Variants in GABRB1 observed in about 807,000 individuals in gnomAD.
GABRB1 encodes the protein gamma-aminobutyric acid receptor subunit beta-1.
Under a neutral mutation model 51.6 loss-of-function variants are expected in GABRB1, and 17 were observed. The observed-to-expected ratio is 0.33, with a 90% CI of 0.23 to 0.49. The LOEUF (loss-of-function observed/expected upper bound fraction) is 0.49, where lower values mean the gene tolerates loss of function less well. GABRB1 is among the 20% of genes least tolerant of loss of function. The pLI is 0.99. For synonymous variants in GABRB1, 247 were observed against 218.9 expected (o/e 1.13, Z -1.14); for missense variants, 410 against 600.6 (o/e 0.68, Z 3.32).
chr4:47,289,094 T>A (rs1723629444), intron 4 of GABRB1, among the ~76,000 whole-genome samples: 1 of 152,108 alleles, frequency 6.6e-6, no homozygotes, highest in Non-Finnish European at 1.5e-5. Flanking sequence ...GACATGCGTA[T>A]CAGCAACAGA....
intron 1 of GABRB1, chr4:46,993,962 T>C (rs1723884176): frequency 6.5e-6 from 1 of 154,112 alleles, no homozygotes; most frequent in Non-Finnish European, 1.4e-5. Context: ...AGAGTCAAGG[T>C]TGGAGGTGGA....
intron 4 of GABRB1, among the ~76,000 whole-genome samples, chr4:47,254,621 C>T (rs1722129556): frequency 6.6e-6 from 1 of 151,832 alleles, no homozygotes; most frequent in African/African-American, 2.4e-5. Context: ...ATCCGTTTGC[C>T]TTGGCCTCTC....
intron 3 of GABRB1, among the ~76,000 whole-genome samples, chr4:47,068,582 G>T (rs1727182298): frequency 6.6e-6 from 1 of 152,190 alleles, no homozygotes; most frequent in South Asian, 2.1e-4. Context: ...GGCTCAAAGA[G>T]TGAGGGCAAG....
intron 3 of GABRB1, among the ~76,000 whole-genome samples, chr4:47,086,292 G>A (rs992135796): frequency 1.3e-5 from 2 of 151,854 alleles, no homozygotes; most frequent in African/African-American, 4.8e-5. Flanking sequence ...ATTAGTTAAC[G>A]GTTCTCTTGT....
At chr4:47,338,545 C>T (rs767069846) in intron 5 of GABRB1, among the ~76,000 whole-genome samples, 2 of 152,144 alleles carry the variant, frequency 1.3e-5, no homozygotes, top group Non-Finnish European at 2.9e-5. Context: ...CGACTCAATT[C>T]CTTTTAGGCT....
chr4:47,037,623 A>T (rs1466617235), intron 3 of GABRB1, among the ~76,000 whole-genome samples: 1 of 150,020 alleles, frequency 6.7e-6, no homozygotes, highest in Admixed American at 6.7e-5. Flanking sequence ...GTTTGAGTTT[A>T]CATTTGAAAG....
intron 4 of GABRB1, among the ~76,000 whole-genome samples, chr4:47,296,953 A>C (rs200240438): frequency 6.6e-6 from 1 of 152,108 alleles, no homozygotes; most frequent in Non-Finnish European, 1.5e-5. Context: ...GAATTAAGAA[A>C]CTCACTCAAA....
chr4:47,075,815 A>G (rs2109554679), intron 3 of GABRB1, among the ~76,000 whole-genome samples: 1 of 152,298 alleles, frequency 6.6e-6, no homozygotes, highest in African/African-American at 2.4e-5. Context: ...AAGGATATCG[A>G]GATTAGGAGT....
chr4:47,256,096 A>G (rs942362483), intron 4 of GABRB1, among the ~76,000 whole-genome samples: 5 of 152,200 alleles, frequency 3.3e-5, no homozygotes, highest in Non-Finnish European at 7.3e-5. Context: ...AGAGGCTGGT[A>G]TAATAATTCA....
intron 4 of GABRB1, among the ~76,000 whole-genome samples, chr4:47,262,916 C>T (rs1722498110): frequency 6.6e-6 from 1 of 151,462 alleles, no homozygotes; most frequent in African/African-American, 2.4e-5. Context: ...AGCTGGAAAC[C>T]ATCATTCTCA....
At chr4:47,409,924 T>C (rs888023190) in intron 8 of GABRB1, among the ~76,000 whole-genome samples, 3 of 152,262 alleles carry the variant, frequency 2.0e-5, no homozygotes, top group African/African-American at 7.2e-5. Flanking sequence ...CAGATCTAGA[T>C]GTATAAGTCC....
At chr4:47,325,100 T>C (rs1041770473) in intron 5 of GABRB1, among the ~76,000 whole-genome samples, 10 of 152,202 alleles carry the variant, frequency 6.6e-5, no homozygotes, top group African/African-American at 2.4e-4. Context: ...GCAGCCACAG[T>C]GATCTTTGCA....
intron 3 of GABRB1, among the ~76,000 whole-genome samples, chr4:47,054,887 T>A (rs1377960969): frequency 6.6e-6 from 1 of 152,144 alleles, no homozygotes; most frequent in Non-Finnish European, 1.5e-5. Flanking sequence ...ACCCGGACAC[T>A]TTATGGACAA....
intron 5 of GABRB1, among the ~76,000 whole-genome samples, chr4:47,382,689 T>C (rs570361859): frequency 1.1e-4 from 17 of 152,134 alleles, no homozygotes; most frequent in Admixed American, 6.5e-4. Context: ...AAGCCTGAGA[T>C]TGAGCAATAA....
At chr4:47,398,074 A>G (rs888985712) in intron 5 of GABRB1, among the ~76,000 whole-genome samples, 4 of 152,054 alleles carry the variant, frequency 2.6e-5, no homozygotes, top group African/African-American at 9.7e-5. Flanking sequence ...CTTCAAATTT[A>G]TTTTAAATGT....
intron 3 of GABRB1, among the ~76,000 whole-genome samples, chr4:47,044,552 G>C (rs1257462864): frequency 6.6e-6 from 1 of 151,928 alleles, no homozygotes; most frequent in Non-Finnish European, 1.5e-5. Context: ...GTTTCAGAGA[G>C]CTATGAGTGT....
In GABRB1 at chr4:47,209,789, G is replaced by T. The variant is rs149549280; in HGVS notation, c.461+48320G>T. Reference sequence around the variant, plus strand: ...ATAAATTATTTACTGATTATAACAGGGTACTTTAGTAAAAAAAAAAAAATG... The same window carrying T: ...ATAAATTATTTACTGATTATAACAGTGTACTTTAGTAAAAAAAAAAAAATG... On this transcript the variant is annotated intron_variant, in intron 4 of 8. Transcript: ENST00000295454. Among the ~76,000 whole-genome samples the T allele has an allele frequency of 1.4e-3, 210 of 148,174 alleles. 1 individual carries two copies. The Middle Eastern group carries it at 0.048, about 34-fold the overall frequency.
At chr4:47,079,164 T>C (rs1727711621) in intron 3 of GABRB1, among the ~76,000 whole-genome samples, 1 of 152,182 alleles carries the variant, frequency 6.6e-6, no homozygotes, top group Admixed American at 6.5e-5. Context: ...TTTCTATTGA[T>C]TGGAATAGTT....
intron 4 of GABRB1, among the ~76,000 whole-genome samples, chr4:47,181,400 T>A (rs1310187874): frequency 6.6e-6 from 1 of 152,038 alleles, no homozygotes; most frequent in African/African-American, 2.4e-5. Context: ...AATTACTCTA[T>A]TTATGCTTTT....
Sources: allele counts gnomAD v4.1 joint callset (sites outside exome capture counted in the v4.1 genomes callset), GRCh38; gene constraint gnomAD v4.1.1; transcripts MANE v1.5; gene names NCBI Gene and HGNC (gene_info 2026-07-23, HGNC 2026-07-21).